GNAO1: variants seen among roughly 807,000 people sequenced by gnomAD.
GNAO1 encodes guanine nucleotide-binding protein G(o) subunit alpha.
For missense variants in GNAO1, 166 were observed against 478.7 expected, an observed-to-expected ratio of 0.35 and a Z score of 6.10; for synonymous variants, 164 against 180.7, an observed-to-expected ratio of 0.91 and a Z score of 0.74.
intron 2 of GNAO1, among the ~76,000 whole-genome samples, chr16:56,269,354 C>T (rs1315356300): frequency 2.0e-5 from 3 of 152,162 alleles, no homozygotes; most frequent in South Asian, 2.1e-4. Context: ...CTTCCCTCCC[C>T]GTGGACCCAG....
chr16:56,263,774 C>G (rs538791285), intron 2 of GNAO1, among the ~76,000 whole-genome samples: 3 of 152,180 alleles, frequency 2.0e-5, no homozygotes, highest in Non-Finnish European at 4.4e-5. Flanking sequence ...ACCTGAGAAA[C>G]GGGGCAACCA....
chr16:56,352,723 C>G (rs1414965114), intron 7 of GNAO1: 1 of 152,344 alleles, frequency 6.6e-6, no homozygotes, highest in Middle Eastern at 3.1e-3. Context: ...GTTCTGAGCA[C>G]AAACCGTGTC....
At chr16:56,348,391 G>A (rs1391911220) in intron 6 of GNAO1, among the ~76,000 whole-genome samples, 1 of 152,202 alleles carries the variant, frequency 6.6e-6, no homozygotes, top group Non-Finnish European at 1.5e-5. Context: ...GCCATCTGGT[G>A]GGAAGTTGCT....
chr16:56,342,664 G>T (rs758942479), intron 6 of GNAO1, among the ~76,000 whole-genome samples: 2 of 152,248 alleles, frequency 1.3e-5, no homozygotes, highest in Admixed American at 6.5e-5. Flanking sequence ...TGGCCCAGCA[G>T]TGGCCACAGG....
At chr16:56,295,854 G>T (rs1482841795) in intron 3 of GNAO1, among the ~76,000 whole-genome samples, 1 of 152,238 alleles carries the variant, frequency 6.6e-6, no homozygotes, top group African/African-American at 2.4e-5. Context: ...CTGGGTAGTT[G>T]TTTGGGGGAG....
chr16:56,233,198 TCCG>T (rs2036606916), intron 2 of GNAO1, among the ~76,000 whole-genome samples: 4 of 152,180 alleles, frequency 2.6e-5, no homozygotes, highest in Admixed American at 2.6e-4. Context: ...TAGAATGGGG[TCCG>T]ATACAAAGCC....
intron 3 of GNAO1, among the ~76,000 whole-genome samples, chr16:56,288,049 A>G (rs2037191486): frequency 6.6e-6 from 1 of 152,180 alleles, no homozygotes; most frequent in Non-Finnish European, 1.5e-5. Context: ...AGGGCCGCCT[A>G]TGACTCTGTG....
intron 2 of GNAO1, among the ~76,000 whole-genome samples, chr16:56,243,056 C>T (rs1223030382): frequency 6.6e-6 from 1 of 151,894 alleles, no homozygotes; most frequent in African/African-American, 2.4e-5. Context: ...ATCTAGGTTG[C>T]ATGCTTCTTA....
At chr16:56,285,062 G>A (rs765883758) in intron 3 of GNAO1, among the ~76,000 whole-genome samples, 82 of 152,334 alleles carry the variant, frequency 5.4e-4, no homozygotes, top group Middle Eastern at 3.4e-3. Context: ...CTTCCGTGGC[G>A]TGCAGAGTTG....
intron 3 of GNAO1, among the ~76,000 whole-genome samples, chr16:56,294,409 T>A (rs965690856): frequency 6.6e-6 from 1 of 150,596 alleles, no homozygotes; most frequent in Non-Finnish European, 1.5e-5. Context: ...CCCTCCCAGA[T>A]CCTCTGCTTG....
At chr16:56,302,599 C>T (rs2037355721) in intron 3 of GNAO1, 1 of 152,262 alleles carries the variant, frequency 6.6e-6, no homozygotes, top group Non-Finnish European at 1.5e-5. Context: ...CCTTTAAAAC[C>T]CTCCGTGACT....
chr16:56,253,892 A>C (rs1054642439), intron 2 of GNAO1, among the ~76,000 whole-genome samples: 1 of 152,206 alleles, frequency 6.6e-6, no homozygotes, highest in Non-Finnish European at 1.5e-5. Context: ...AACAAACAAA[A>C]AAAAGTGTTG....
intron 3 of GNAO1, among the ~76,000 whole-genome samples, chr16:56,303,904 A>G (rs1478198576): frequency 1.3e-5 from 2 of 152,124 alleles, no homozygotes; most frequent in African/African-American, 4.8e-5. Flanking sequence ...CCCTCATTTT[A>G]TAGACGCTGG....
chr16:56,271,112 T>TA (rs2037013131), intron 2 of GNAO1: 1 of 152,292 alleles, frequency 6.6e-6, no homozygotes, highest in South Asian at 2.1e-4. Flanking sequence ...ATTGGGCAGA[T>TA]ACAACAGGGT....
intron 2 of GNAO1, among the ~76,000 whole-genome samples, chr16:56,240,316 C>T (rs1216951316): frequency 3.3e-5 from 5 of 152,130 alleles, no homozygotes; most frequent in Non-Finnish European, 7.4e-5. Flanking sequence ...ATTTTTTCTG[C>T]CTCCTCACAT....
intron 2 of GNAO1, among the ~76,000 whole-genome samples, chr16:56,256,718 CTGTGTG>C (rs199786327): frequency 0.014 from 994 of 72,220 alleles, 8 homozygotes; most frequent in African/African-American, 0.031. Flanking sequence ...CTCTCTCTCT[CTGTGTG>C]TGTGTGTGTG....
rs1260532621 is a variant in GNAO1 at position 56,191,794 on chromosome 16, G to GCCT, written c.-430_-428dup. On this transcript the variant is annotated 5_prime_UTR_variant, in exon 1 of 9. Transcript: ENST00000262493. This position sits in a 1 kb window ranked among gnomAD's most constrained non-coding sequence, Gnocchi z 4.7. ...CTCCACCTCCTCCTCCGCCGCCGCC[G>GCCT]CCTCCTCCTCCTCCGGCAGCCGCGG... 3.8e-5 allele frequency: 8 copies of GCCT among 208,578 alleles called. No individual in the cohort carries two copies. Among genetic ancestry groups the GCCT allele is most frequent in the Non-Finnish European group, 7.6e-5 (8 of 105,632 alleles). 12.9% of individuals were successfully genotyped at this position (208,578 alleles called of 1,614,324 possible). A position where few individuals can be genotyped will look rare whatever the true frequency, so the allele number is the denominator to read the frequency against.
chr16:56,256,716 C>CTGTGTG (rs1418939057), intron 2 of GNAO1, among the ~76,000 whole-genome samples: 51 of 90,354 alleles, frequency 5.6e-4, no homozygotes, highest in African/African-American at 1.5e-3. Context: ...CTCTCTCTCT[C>CTGTGTG]TCTGTGTGTG....
At chr16:56,325,977 G>T (rs1265647414) in intron 3 of GNAO1, among the ~76,000 whole-genome samples, 1 of 152,202 alleles carries the variant, frequency 6.6e-6, no homozygotes, top group African/African-American at 2.4e-5. Flanking sequence ...AGGTGGCCCA[G>T]CATGGTCACA....
Sources: gnomAD v4.1 joint callset for allele counts (sites outside exome capture counted in the v4.1 genomes callset) on GRCh38, gnomAD v4.1.1 for gene constraint, Gnocchi (gnomAD v3.1) non-coding constraint, MANE v1.5 for transcripts, NCBI Gene and HGNC (gene_info 2026-07-23, HGNC 2026-07-21) for gene names.